Variants in SLCO5A1 observed in about 807,000 individuals in gnomAD.
SLCO5A1 encodes the protein solute carrier organic anion transporter family member 5A1.
In SLCO5A1, 39 loss-of-function variants were observed where a neutral mutation model predicts 65.1. The observed-to-expected ratio is 0.60, with a 90% CI of 0.46 to 0.78. SLCO5A1 has a LOEUF of 0.78. SLCO5A1 is among the 30% of genes least tolerant of loss of function. SLCO5A1 has a pLI of 0.00. For missense variants in SLCO5A1, 1,029 were observed against 1,069.4 expected (o/e 0.96, Z 0.53); for synonymous variants, 438 against 415.7 (o/e 1.05, Z -0.65).
rs1272329176 is a variant in SLCO5A1 at position 69,672,611 on chromosome 8, A to C, written c.*258T>G. On this transcript the variant is annotated 3_prime_UTR_variant, in exon 10 of 10. Transcript: ENST00000260126. ...TCAGCCTGTACCGTAGGGGAGCATG[A>C]GCTTTGAATTAACACAACGGAAATG... The C allele has an allele frequency of 4.1e-6, 2 of 490,154 alleles. No individual in the cohort carries two copies. The highest frequency in any genetic ancestry group is 7.2e-6 in the Non-Finnish European group (2 of 276,078). The allele number at this position is 490,154 out of a possible 1,614,324, so 30.4% of individuals were successfully genotyped here.
At chr8:69,805,637 T>G (rs1198991810) in intron 2 of SLCO5A1, among the ~76,000 whole-genome samples, 1 of 152,174 alleles carries the variant, frequency 6.6e-6, no homozygotes, top group African/African-American at 2.4e-5. Flanking sequence ...ACAAAAAGAC[T>G]TAGATTGCCA....
intron 5 of SLCO5A1, among the ~76,000 whole-genome samples, chr8:69,710,002 T>A (rs1399675727): frequency 6.9e-6 from 1 of 145,088 alleles, no homozygotes; most frequent in Non-Finnish European, 1.5e-5. Context: ...ACCAGAGTCC[T>A]GTGAAATCGG....
intron 2 of SLCO5A1, among the ~76,000 whole-genome samples, chr8:69,762,547 A>G (rs1003616955): frequency 4.6e-5 from 7 of 152,098 alleles, no homozygotes; most frequent in South Asian, 2.1e-4. Flanking sequence ...ATTTCTAGAA[A>G]TAGAGACCCA....
At chr8:69,754,661 C>T (rs745881768) in intron 4 of SLCO5A1, among the ~76,000 whole-genome samples, 21 of 152,086 alleles carry the variant, frequency 1.4e-4, no homozygotes, top group Non-Finnish European at 2.9e-4. Flanking sequence ...TATTGTCATT[C>T]AACAGATATA....
chr8:69,700,583 G>T (rs1194620131), intron 6 of SLCO5A1: 2 of 152,054 alleles, frequency 1.3e-5, no homozygotes, highest in African/African-American at 4.8e-5. Context: ...AAATCAAAAT[G>T]ATCCATCTCA....
chr8:69,754,873 TGCAA>T, intron 4 of SLCO5A1, among the ~76,000 whole-genome samples: 1 of 152,290 alleles, frequency 6.6e-6, no homozygotes, highest in South Asian at 2.1e-4. Context: ...TGGGGCCACA[TGCAA>T]GCATTTGACA....
intron 2 of SLCO5A1, among the ~76,000 whole-genome samples, chr8:69,825,910 T>C (rs1186298302): frequency 1.3e-5 from 2 of 152,174 alleles, no homozygotes; most frequent in East Asian, 1.9e-4. Context: ...CAAAACAGCA[T>C]GGTACTGGTA....
intron 6 of SLCO5A1, among the ~76,000 whole-genome samples, chr8:69,689,522 G>A (rs1308483205): frequency 7.1e-6 from 1 of 140,980 alleles, no homozygotes; most frequent in Non-Finnish European, 1.5e-5. Context: ...TGTATAAGGT[G>A]TAAGGAAGGG....
At chr8:69,821,918 G>C (rs1460015007) in intron 2 of SLCO5A1, among the ~76,000 whole-genome samples, 3 of 152,122 alleles carry the variant, frequency 2.0e-5, no homozygotes, top group African/African-American at 7.2e-5. Context: ...ACTGTGGACA[G>C]GAGCTAGAGA....
chr8:69,746,496 G>A (rs1817034513), intron 4 of SLCO5A1, among the ~76,000 whole-genome samples: 1 of 152,156 alleles, frequency 6.6e-6, no homozygotes, highest in South Asian at 2.1e-4. Context: ...CAGAGTAGAA[G>A]GTCATAGTTA....
chr8:69,793,723 A>G (rs2130894904), intron 2 of SLCO5A1, among the ~76,000 whole-genome samples: 1 of 152,108 alleles, frequency 6.6e-6, no homozygotes, highest in South Asian at 2.1e-4. Flanking sequence ...GGTTGCAGTG[A>G]GCTGAGATTG....
At chr8:69,688,436 T>C (rs1056389503) in intron 6 of SLCO5A1, among the ~76,000 whole-genome samples, 3 of 152,104 alleles carry the variant, frequency 2.0e-5, no homozygotes, top group Admixed American at 6.6e-5. Context: ...GCTGCACCCA[T>C]TAACTCGTCA....
intron 5 of SLCO5A1, among the ~76,000 whole-genome samples, chr8:69,724,941 C>T (rs935957760): frequency 1.3e-5 from 2 of 152,152 alleles, no homozygotes; most frequent in South Asian, 2.1e-4. Flanking sequence ...TTCCCCTTCC[C>T]TCATCTCTTT....
chr8:69,833,472 G>A (rs1453194837), intron 1 of SLCO5A1: 1 of 152,272 alleles, frequency 6.6e-6, no homozygotes, highest in Non-Finnish European at 1.5e-5. Context: ...CAACCTGGCA[G>A]CTCTGACTCA....
Position 69,761,761 on chromosome 8 carries a change from G to A in SLCO5A1, c.1022C>T (p.Pro341Leu). 1 of 1,613,646 alleles carries A rather than the reference G, an allele frequency of 6.2e-7. No homozygotes were observed. The highest frequency in any genetic ancestry group is 8.5e-7 in the Non-Finnish European group (1 of 1,179,888). Residue 341 changes from proline to leucine, a missense_variant, in exon 3 of 10, where the codon CCT becomes CTT. By Grantham distance (98) the Pro-to-Leu change is moderately conservative (BLOSUM62 -3). Around this residue, in one of 3 missense-constraint regions of SLCO5A1, gnomAD observed 647 missense variants for 647.5 expected, o/e 1.00. Coordinates refer to ENST00000260126, the MANE Select transcript of SLCO5A1 (RefSeq NM_030958.3). Reference protein sequence around the residue: ...RNPVHLDQNDPRFIGNWWSGF... With the variant: ...RNPVHLDQNDLRFIGNWWSGF... ...AACTTACCAGTTTCCAATGAAACGA[G>A]GGTCATTCTGGTCAAGGTGAACAGG...
rs186320246 is a variant in SLCO5A1 at position 69,736,863 on chromosome 8, T to G, written c.1423+1177A>C. Among the ~76,000 whole-genome samples, 92 of 152,310 alleles carry G rather than the reference T, an allele frequency of 6.0e-4. 1 individual carries two copies. The highest frequency in any genetic ancestry group is 2.2e-3 in the African/African-American group (92 of 41,578). ...CTTTGAATCTAACTTCAAGACAACTTTTGTTTTCCCTGTCCAAAAATCATT... is the reference window on the plus strand; with the variant it reads ...CTTTGAATCTAACTTCAAGACAACTGTTGTTTTCCCTGTCCAAAAATCATT... On this transcript the variant is annotated intron_variant, in intron 5 of 9. Coordinates refer to ENST00000260126, the MANE Select transcript of SLCO5A1 (RefSeq NM_030958.3).
At chr8:69,698,601 T>A (rs1000756151) in intron 6 of SLCO5A1, among the ~76,000 whole-genome samples, 1 of 152,206 alleles carries the variant, frequency 6.6e-6, no homozygotes, top group African/African-American at 2.4e-5. Context: ...ATTTCTCTAA[T>A]GACTAGTGAT....
At chr8:69,809,063 C>T (rs1820122811) in intron 2 of SLCO5A1, among the ~76,000 whole-genome samples, 1 of 152,266 alleles carries the variant, frequency 6.6e-6, no homozygotes, top group Non-Finnish European at 1.5e-5. Flanking sequence ...GAGATAGCAC[C>T]ATTGCACTCC....
At chr8:69,798,598 C>G (rs117265631) in intron 2 of SLCO5A1, among the ~76,000 whole-genome samples, 5 of 152,206 alleles carry the variant, frequency 3.3e-5, no homozygotes, top group African/African-American at 1.2e-4. Context: ...TGGTGTTAAA[C>G]CATTCATGAG....
Sources: allele counts gnomAD v4.1 joint callset (sites outside exome capture counted in the v4.1 genomes callset), GRCh38; gene constraint gnomAD v4.1.1; regional missense constraint gnomAD v4.1.1; transcripts MANE v1.5; gene names NCBI Gene and HGNC (gene_info 2026-07-23, HGNC 2026-07-21).